THSD7A: variants seen among roughly 807,000 people sequenced by gnomAD.
THSD7A encodes the protein thrombospondin type-1 domain-containing protein 7A.
In THSD7A, 96 loss-of-function variants were observed where a neutral mutation model predicts 231.3. The observed-to-expected ratio is 0.41, with a 90% CI of 0.35 to 0.49. THSD7A has a LOEUF of 0.49. THSD7A is among the 20% of genes least tolerant of loss of function. The pLI is 0.05. For missense variants in THSD7A, 2,290 were observed against 2,070.2 expected (o/e 1.11, Z -2.06); for synonymous variants, 940 against 743.3 (o/e 1.26, Z -4.30).
chr7:11,644,062 A>C (rs925648912), intron 1 of THSD7A, among the ~76,000 whole-genome samples: 3 of 151,628 alleles, frequency 2.0e-5, no homozygotes, highest in African/African-American at 7.3e-5. Context: ...AAAAAAAAAA[A>C]ACCTTAATTC....
At chr7:11,527,318 TG>T (rs1788518872) in intron 6 of THSD7A, among the ~76,000 whole-genome samples, 1 of 152,092 alleles carries the variant, frequency 6.6e-6, no homozygotes. Flanking sequence ...AGCAATTCAG[TG>T]TTCTGTCCAA....
At chr7:11,574,754 C>T (rs565425078) in intron 4 of THSD7A, among the ~76,000 whole-genome samples, 7 of 152,202 alleles carry the variant, frequency 4.6e-5, no homozygotes, top group South Asian at 4.1e-4. Flanking sequence ...CATTATCATA[C>T]ATGTGAAGTG....
chr7:11,762,273 T>A (rs76052900), intron 1 of THSD7A, among the ~76,000 whole-genome samples: 1 of 152,110 alleles, frequency 6.6e-6, no homozygotes, highest in Non-Finnish European at 1.5e-5. Context: ...GATTGCTAGG[T>A]TGAATGGTAA....
intron 1 of THSD7A, among the ~76,000 whole-genome samples, chr7:11,732,068 T>TA (rs1323982766): frequency 5.9e-5 from 9 of 151,630 alleles, no homozygotes; most frequent in African/African-American, 2.2e-4. Flanking sequence ...CTTAAGGATT[T>TA]AAAAAAATGT....
At chr7:11,775,985 A>G (rs1783392695) in intron 1 of THSD7A, among the ~76,000 whole-genome samples, 1 of 152,196 alleles carries the variant, frequency 6.6e-6, no homozygotes. Context: ...AATTATAAAG[A>G]TACATTTTGT....
At chr7:11,543,214 T>A (rs920566051) in intron 4 of THSD7A, 97 bp from the exon 5 acceptor site, 71 of 1,056,290 alleles carry the variant, frequency 6.7e-5, no homozygotes, top group Non-Finnish European at 1.4e-5. Context: ...GGAAAATCCT[T>A]AAAGAAGTGC....
rs754488584 is a variant in THSD7A, at chr7:11,371,761, T to TTTTTTTC, written c.*4032_*4033insGAAAAAA. ...AAAAGGGCTTTTTTTTTTTTTTTTT[T>TTTTTTTC]CCTGCATGCCTTCCACATTTTTCCT... On this transcript the variant is annotated 3_prime_UTR_variant, in exon 28 of 28. Transcript: ENST00000423059. 6.9e-6 allele frequency: 1 copy of TTTTTTTC among 144,272 alleles called. No homozygotes were observed. Among genetic ancestry groups the TTTTTTTC allele is most frequent in the African/African-American group, 2.6e-5 (1 of 38,642 alleles). The allele number at this position is 144,272 out of a possible 1,614,324, so 8.9% of individuals were successfully genotyped here.
intron 11 of THSD7A, among the ~76,000 whole-genome samples, chr7:11,459,560 A>G (rs1258258244): frequency 6.6e-6 from 1 of 152,074 alleles, no homozygotes; most frequent in East Asian, 1.9e-4. Context: ...ATGCAAATAA[A>G]ATAAAATCCT....
intron 1 of THSD7A, among the ~76,000 whole-genome samples, chr7:11,673,559 T>C (rs1783495041): frequency 6.6e-6 from 1 of 152,088 alleles, no homozygotes; most frequent in African/African-American, 2.4e-5. Context: ...CTGATCCACA[T>C]GCCCACTTAC....
At chr7:11,796,774 T>C (rs78199011) in intron 1 of THSD7A, among the ~76,000 whole-genome samples, 1,751 of 152,248 alleles carry the variant, frequency 0.012, 31 homozygotes, top group African/African-American at 0.04. Context: ...TTCTCATTAA[T>C]GTTAATGTTT....
At chr7:11,464,378 G>T (rs1351993389) in intron 9 of THSD7A, among the ~76,000 whole-genome samples, 4 of 152,104 alleles carry the variant, frequency 2.6e-5, no homozygotes, top group African/African-American at 7.2e-5. Flanking sequence ...TTTGGGGGCT[G>T]GTGGAGACAA....
chr7:11,752,926 CTCAGTCAA>C, intron 1 of THSD7A, among the ~76,000 whole-genome samples: 1 of 44,362 alleles, frequency 2.3e-5, no homozygotes, highest in Admixed American at 3.3e-4. Flanking sequence ...GAGACCCTGT[CTCAGTCAA>C]TCAATCAATC....
chr7:11,612,632 T>C (rs1445044583), intron 2 of THSD7A, among the ~76,000 whole-genome samples: 1 of 152,144 alleles, frequency 6.6e-6, no homozygotes, highest in East Asian at 1.9e-4. Flanking sequence ...TGTTATTGAG[T>C]CAGACATTTT....
chr7:11,602,340 A>G (rs1312619635), intron 2 of THSD7A, among the ~76,000 whole-genome samples: 1 of 151,976 alleles, frequency 6.6e-6, no homozygotes, highest in Non-Finnish European at 1.5e-5. Flanking sequence ...TCTTTTTATA[A>G]TTTTTCAATA....
In THSD7A at chr7:11,542,858, T is replaced by C; in HGVS notation, c.1609+104A>G. On this transcript the variant is annotated intron_variant, in intron 5 of 27. Coordinates refer to ENST00000423059, the MANE Select transcript of THSD7A (RefSeq NM_015204.3). ...TGAAATTAATAGTCTTTAGCCATTC[T>C]GGAAAATACCACAAACAAGGAACAC... is the stretch of plus-strand genomic sequence containing the variant. The C allele has an allele frequency of 7.0e-6, 9 of 1,292,674 alleles. 1 individual carries two copies. The highest frequency in any genetic ancestry group is 1.9e-4 in the Middle Eastern group (1 of 5,154). 80.1% of individuals were successfully genotyped at this position (1,292,674 alleles called of 1,614,324 possible). A position where few individuals can be genotyped will look rare whatever the true frequency, so the allele number is the denominator to read the frequency against.
At chr7:11,651,212 A>G (rs762562742) in intron 1 of THSD7A, among the ~76,000 whole-genome samples, 5 of 152,080 alleles carry the variant, frequency 3.3e-5, no homozygotes, top group African/African-American at 4.8e-5. Context: ...GATCCCATTT[A>G]TATGAAATAC....
At chr7:11,769,289 G>T (rs886999066) in intron 1 of THSD7A, among the ~76,000 whole-genome samples, 1 of 149,436 alleles carries the variant, frequency 6.7e-6, no homozygotes, top group Non-Finnish European at 1.5e-5. Context: ...GAGCCACTGC[G>T]CCTGGCCCAT....
At chr7:11,498,687 C>A (rs1191505813) in intron 6 of THSD7A, among the ~76,000 whole-genome samples, 3 of 152,162 alleles carry the variant, frequency 2.0e-5, no homozygotes, top group African/African-American at 7.2e-5. Context: ...ACAGGACCTC[C>A]CAACTAGGGT....
At chr7:11,816,776 T>A (rs1286503611) in intron 1 of THSD7A, among the ~76,000 whole-genome samples, 1 of 152,208 alleles carries the variant, frequency 6.6e-6, no homozygotes, top group Non-Finnish European at 1.5e-5. Flanking sequence ...AAGTCACTAC[T>A]ATAAATACCA....
Sources: gnomAD v4.1 joint callset for allele counts (sites outside exome capture counted in the v4.1 genomes callset) on GRCh38, gnomAD v4.1.1 for gene constraint, MANE v1.5 for transcripts, NCBI Gene and HGNC (gene_info 2026-07-23, HGNC 2026-07-21) for gene names.